Variants in PRELID2 observed in about 807,000 individuals in gnomAD.
PRELID2 encodes PRELI domain-containing protein 2.
In PRELID2, 25 loss-of-function variants were observed where a neutral mutation model predicts 28.4. The ratio of observed to expected loss-of-function variants is 0.88; its 90% CI spans 0.64 to 1.23. The LOEUF is 1.23. Among genes scored for constraint, PRELID2 ranks in the 50% most tolerant of loss-of-function variants. The probability of loss-of-function intolerance (pLI) is 0.00; values close to 1 mark genes in which losing one functional copy is unlikely to be tolerated. For missense variants in PRELID2, 201 were observed against 214.4 expected (o/e 0.94, Z 0.39); for synonymous variants, 76 against 71.6 (o/e 1.06, Z -0.31).
At chr5:145,832,148 G>A (rs1253880712) in intron 1 of PRELID2, among the ~76,000 whole-genome samples, 1 of 152,152 alleles carries the variant, frequency 6.6e-6, no homozygotes, top group African/African-American at 2.4e-5. Flanking sequence ...GTGAACAAAA[G>A]AAAACACATT....
At chr5:145,300,404 T>A in the PRELID2 span, among the ~76,000 whole-genome samples, 4 of 152,112 alleles carry the variant, frequency 2.6e-5, no homozygotes, top group African/African-American at 9.6e-5. Flanking sequence ...TAAACCTTTT[T>A]AGTATAAAAA....
At chr5:145,690,963 T>G (rs1258906016) in intron 1 of PRELID2, among the ~76,000 whole-genome samples, 1 of 142,804 alleles carries the variant, frequency 7.0e-6, no homozygotes, top group Non-Finnish European at 1.5e-5. Flanking sequence ...ATTGTCTCCC[T>G]AAAAAAAAAA....
chr5:145,570,510 G>A (rs1426247491), intron 1 of PRELID2, among the ~76,000 whole-genome samples: 1 of 152,182 alleles, frequency 6.6e-6, no homozygotes, highest in Non-Finnish European at 1.5e-5. Context: ...AACCAGTAAA[G>A]GCTGTGGTGC....
At chr5:145,735,180 A>G (rs1962864) in intron 1 of PRELID2, among the ~76,000 whole-genome samples, 122,709 of 150,374 alleles carry the variant, frequency 0.82, 50,498 homozygotes, top group East Asian at 0.88. Context: ...AGGAGGCAGA[A>G]GTTGCAGTGA....
rs762794003 is a variant in PRELID2, at chr5:145,764,948, G to A, written c.527C>T (p.Ala176Val). 1.9e-6 allele frequency: 3 copies of A among 1,611,856 alleles called. No homozygotes were observed. In the South Asian group the frequency reaches 3.3e-5, roughly 18 times the overall value. The stretch of plus-strand genomic sequence containing the variant: ...GTACTCACTGATGATTCTTTATTCA[G>A]CTAAGGGGGCACCACACTGTTCCTT... ...LLKEQCGAPL[A>V]E Residue 176 changes from alanine (A) to valine (V), a missense_variant, in exon 6 of 7, where the codon GCT becomes GTT. Ala to Val is a moderately conservative substitution (Grantham distance 64, BLOSUM62 0). Transcript: ENST00000683046.
chr5:145,457,999 T>C, the PRELID2 span, among the ~76,000 whole-genome samples: 703 of 152,336 alleles, frequency 4.6e-3, 2 homozygotes, highest in Non-Finnish European at 8.4e-3. Flanking sequence ...CATTAGATTC[T>C]CAACCCTTAT....
intron 1 of PRELID2, among the ~76,000 whole-genome samples, chr5:145,670,575 T>C (rs1754686230): frequency 6.6e-6 from 1 of 152,150 alleles, no homozygotes; most frequent in Non-Finnish European, 1.5e-5. Context: ...CTGGTTAAAC[T>C]AAAAACAAAC....
rs552283798 is a variant in PRELID2 at position 145,730,450 on chromosome 5, A to G, written n.70+34481T>C. Among the ~76,000 whole-genome samples the G allele has an allele frequency of 8.5e-5, 13 of 152,358 alleles. No homozygotes were observed. In the East Asian group the frequency reaches 2.5e-3, roughly 29 times the overall value. On this transcript the variant is annotated intron_variant and non_coding_transcript_variant, in intron 1 of 2. Coordinates refer to the PRELID2 transcript ENST00000510259. ...CTAAGGTGATTTTGACTATTCATGCATGGCATGAAGATCCATGAACAGGAG... is the reference window on the plus strand; with the variant it reads ...CTAAGGTGATTTTGACTATTCATGCGTGGCATGAAGATCCATGAACAGGAG...
chr5:145,271,884 G>A, the PRELID2 span, among the ~76,000 whole-genome samples: 11 of 152,150 alleles, frequency 7.2e-5, no homozygotes, highest in Non-Finnish European at 1.5e-4. Context: ...AGTTATTGAA[G>A]CATTTTATCA....
At chr5:145,259,179 C>G in the PRELID2 span, among the ~76,000 whole-genome samples, 30 of 152,322 alleles carry the variant, frequency 2.0e-4, no homozygotes, top group South Asian at 2.1e-3. Context: ...CAGGCAGAAG[C>G]CTGCTGCAGG....
intron 1 of PRELID2, among the ~76,000 whole-genome samples, chr5:145,531,127 T>C (rs1752651905): frequency 6.6e-6 from 1 of 152,190 alleles, no homozygotes; most frequent in African/African-American, 2.4e-5. Context: ...TCTATCTCAC[T>C]ATATGGATGC....
chr5:145,756,445 C>T lies in PRELID2; in HGVS notation c.*4091G>A, dbSNP rs1757257855. ...TCACAATAACACTGAATCAGAAACA[C>T]TTCATCCCACATAAAAATTTGGCCT... On this transcript the variant is annotated 3_prime_UTR_variant, in exon 7 of 7. Transcript: ENST00000683046. 2.0e-5 allele frequency among the ~76,000 whole-genome samples: 3 copies of T among 152,182 alleles called. No individual in the cohort carries two copies. Among genetic ancestry groups the T allele is most frequent in the African/African-American group, 7.2e-5 (3 of 41,450 alleles).
intron 1 of PRELID2, among the ~76,000 whole-genome samples, chr5:145,483,750 G>GA (rs1190636964): frequency 6.6e-6 from 1 of 152,122 alleles, no homozygotes; most frequent in African/African-American, 2.4e-5. Context: ...AATCTACGGA[G>GA]TTGAAAACCT....
rs535614215 is a variant in PRELID2, at chr5:145,824,290, A to G, written c.76-1156T>C. On this transcript the variant is annotated intron_variant, in intron 1 of 6. Transcript: ENST00000683046. ...TCCATGACATCACAAAGTGCTGAGC[A>G]GAAGGCAAAAGCAGCAGGCAGGCTG... Among the ~76,000 whole-genome samples the G allele has an allele frequency of 8.5e-5, 13 of 152,318 alleles. No homozygotes were observed. The South Asian group carries it at 1.9e-3, about 22-fold the overall frequency.
chr5:145,476,653 T>TA (rs200082144), intron 1 of PRELID2, among the ~76,000 whole-genome samples: 1,505 of 149,846 alleles, frequency 0.01, 6 homozygotes, highest in African/African-American at 0.015. Flanking sequence ...AACTCCATCT[T>TA]AAAAAAATAA....
At chr5:145,686,426 C>A (rs915965589) in intron 1 of PRELID2, among the ~76,000 whole-genome samples, 1 of 152,084 alleles carries the variant, frequency 6.6e-6, no homozygotes, top group African/African-American at 2.4e-5. Flanking sequence ...CCTCACCACC[C>A]AGCCCCACCA....
At chr5:145,790,721 G>GTGTATATATA (rs772901344) in intron 5 of PRELID2, among the ~76,000 whole-genome samples, 71 of 110,902 alleles carry the variant, frequency 6.4e-4, no homozygotes, top group African/African-American at 1.9e-3. Flanking sequence ...GTGTGTGTGT[G>GTGTATATATA]TATATATATA....
rs200279566 is a variant in PRELID2 at position 145,524,026 on chromosome 5, A to AT, written n.71-50712dup. ...AGAAATCTGTGCTGCTTCTCAAAGG[A>AT]TTTTTTTGTTTTTCAGGGGTCAAGG... On this transcript the variant is annotated intron_variant and non_coding_transcript_variant, in intron 1 of 2. Coordinates refer to the PRELID2 transcript ENST00000510259. Among the ~76,000 whole-genome samples, 57 of 152,026 alleles carry AT rather than the reference A, an allele frequency of 3.7e-4. No individual in the cohort carries two copies. The East Asian group carries it at 9.3e-3, about 25-fold the overall frequency.
chr5:145,518,508 G>A (rs778418400), intron 1 of PRELID2, among the ~76,000 whole-genome samples: 3 of 152,090 alleles, frequency 2.0e-5, no homozygotes, highest in Non-Finnish European at 4.4e-5. Context: ...ATGAGTGCAC[G>A]TTTGTACCTA....
Sources: gnomAD v4.1 joint callset for allele counts (sites outside exome capture counted in the v4.1 genomes callset) on GRCh38, gnomAD v4.1.1 for gene constraint, MANE v1.5 for transcripts, NCBI Gene and HGNC (gene_info 2026-07-23, HGNC 2026-07-21) for gene names.